The following MGAT4C variants were observed in gnomAD, a reference collection of about 807,000 sequenced individuals.
MGAT4C encodes the protein MGAT4 family member C.
In MGAT4C, 19 loss-of-function variants were observed where a neutral mutation model predicts 40.1. That is an observed-to-expected ratio of 0.47 (90% CI 0.33 to 0.70). The LOEUF is 0.70. Among genes scored for constraint, MGAT4C ranks in the 30% least tolerant of loss-of-function variants. MGAT4C has a pLI of 0.02. For missense variants in MGAT4C, 491 were observed against 563.2 expected, an observed-to-expected ratio of 0.87 and a Z score of 1.30; for synonymous variants, 181 against 187.1, an observed-to-expected ratio of 0.97 and a Z score of 0.27.
chr12:86,390,178 T>C (rs954131344), intron 3 of MGAT4C, among the ~76,000 whole-genome samples: 1 of 152,132 alleles, frequency 6.6e-6, no homozygotes, highest in South Asian at 2.1e-4. Flanking sequence ...GAAGAGACAC[T>C]GTTGACTCAC....
chr12:86,809,624 G>T (rs1952431705), intron 1 of MGAT4C, among the ~76,000 whole-genome samples: 4 of 151,788 alleles, frequency 2.6e-5, no homozygotes, highest in Admixed American at 2.6e-4. Context: ...TTTTCCTGCT[G>T]CATAATAATG....
chr12:86,767,887 A>G (rs9706407), intron 1 of MGAT4C, among the ~76,000 whole-genome samples: 48,769 of 152,072 alleles, frequency 0.32, 9,622 homozygotes, highest in Admixed American at 0.46. Context: ...AGAGCTATCT[A>G]TGACAAACCC....
chr12:86,745,407 A>G (rs746847369), intron 1 of MGAT4C, among the ~76,000 whole-genome samples: 1 of 151,664 alleles, frequency 6.6e-6, no homozygotes, highest in Non-Finnish European at 1.5e-5. Flanking sequence ...GGAAGTACCA[A>G]TTTCAGAAGA....
At chr12:86,675,712 T>C (rs970740854) in intron 2 of MGAT4C, among the ~76,000 whole-genome samples, 1 of 152,208 alleles carries the variant, frequency 6.6e-6, no homozygotes, top group African/African-American at 2.4e-5. Context: ...ACAAAATAGA[T>C]GTACATATGT....
intron 2 of MGAT4C, among the ~76,000 whole-genome samples, chr12:86,704,067 C>A (rs1950411025): frequency 6.6e-6 from 1 of 151,882 alleles, no homozygotes; most frequent in African/African-American, 2.4e-5. Context: ...ATAATTAGGA[C>A]AAGGAAATAA....
chr12:85,963,208 G>GA lies in MGAT4C; in HGVS notation c.*16080dup, dbSNP rs1414380658. On this transcript the variant is annotated 3_prime_UTR_variant, in exon 5 of 5. Transcript: ENST00000611864. Reference sequence around the variant, plus strand: ...AATCACATCCTAAAATTTTAAAATGGAAAAATTATAATAATTGAATTTTTA... The same window carrying GA: ...AATCACATCCTAAAATTTTAAAATGGAAAAAATTATAATAATTGAATTTTTA... 7 of 151,922 alleles carry GA rather than the reference G, an allele frequency of 4.6e-5. No individual in the cohort carries two copies. In the East Asian group the frequency reaches 1.2e-3, roughly 25 times the overall value. 9.4% of individuals were successfully genotyped at this position (151,922 alleles called of 1,614,324 possible).
chr12:85,983,716 G>T, intron 3 of MGAT4C, 46 bp from the exon 4 acceptor site: 1 of 1,401,622 alleles, frequency 7.1e-7, no homozygotes, highest in Non-Finnish European at 9.6e-7. Flanking sequence ...ATAATAGATG[G>T]TCATGGATTA....
At chr12:86,446,704 T>TATA (rs1957346992) in intron 2 of MGAT4C, among the ~76,000 whole-genome samples, 1 of 121,548 alleles carries the variant, frequency 8.2e-6, no homozygotes, top group African/African-American at 3.1e-5. Flanking sequence ...TATATATATA[T>TATA]GGATGTGATT....
intron 1 of MGAT4C, among the ~76,000 whole-genome samples, chr12:86,200,542 T>A (rs1034772222): frequency 5.3e-5 from 8 of 152,162 alleles, no homozygotes; most frequent in Non-Finnish European, 1.2e-4. Flanking sequence ...ATTTTAGGCC[T>A]TCTAGTAGAT....
chr12:86,775,049 T>C (rs1951728245), intron 1 of MGAT4C, among the ~76,000 whole-genome samples: 1 of 152,212 alleles, frequency 6.6e-6, no homozygotes, highest in Non-Finnish European at 1.5e-5. Flanking sequence ...ATACATTGCA[T>C]AATAAAAAGC....
At chr12:86,069,001 C>G (rs1261372143) in intron 1 of MGAT4C, among the ~76,000 whole-genome samples, 1 of 152,086 alleles carries the variant, frequency 6.6e-6, no homozygotes, top group Admixed American at 6.6e-5. Context: ...TATATGTGGT[C>G]ATTAATAGTT....
intron 2 of MGAT4C, among the ~76,000 whole-genome samples, chr12:86,629,442 G>A (rs1962948049): frequency 2.0e-5 from 3 of 152,108 alleles, no homozygotes; most frequent in African/African-American, 7.2e-5. Flanking sequence ...CAAATCAAGA[G>A]AGTATACATT....
chr12:86,604,443 TGTATGCCAGAA>T (rs1468248086), intron 2 of MGAT4C, among the ~76,000 whole-genome samples: 3 of 152,094 alleles, frequency 2.0e-5, no homozygotes, highest in African/African-American at 7.2e-5. Flanking sequence ...AGAACATTTC[TGTATGCCAGAA>T]GCTAAACCAA....
chr12:86,518,183 C>G (rs1272216090), intron 2 of MGAT4C, among the ~76,000 whole-genome samples: 1 of 152,098 alleles, frequency 6.6e-6, no homozygotes, highest in Non-Finnish European at 1.5e-5. Context: ...AGGTAGATCA[C>G]CAACTGCATG....
At chr12:86,380,825 A>G (rs1955914156) in intron 3 of MGAT4C, among the ~76,000 whole-genome samples, 1 of 152,188 alleles carries the variant, frequency 6.6e-6, no homozygotes, top group South Asian at 2.1e-4. Context: ...TTGAAATCCC[A>G]AAAGATCAAA....
chr12:86,040,737 AC>A lies in MGAT4C; in HGVS notation c.-7+8936del, dbSNP rs201491615. 7.5e-3 allele frequency among the ~76,000 whole-genome samples: 896 copies of A among 119,476 alleles called. 4 individuals carry two copies. The highest frequency in any genetic ancestry group is 0.027 in the African/African-American group (809 of 30,354). The allele number at this position is 119,476 out of a possible 152,430, so 78.4% of individuals were successfully genotyped here. On this transcript the variant is annotated intron_variant, in intron 2 of 4. Transcript: ENST00000611864. ...GGAGAAAAAACAAACAAACAAACAA[AC>A]AAAAAAAAAACTCCTGCAGCTAGCT...
At chr12:86,091,973 C>T (rs1223253614) in intron 1 of MGAT4C, among the ~76,000 whole-genome samples, 2 of 152,050 alleles carry the variant, frequency 1.3e-5, no homozygotes, top group African/African-American at 2.4e-5. Flanking sequence ...CCAGAAATTG[C>T]CTTTCCTTTT....
At chr12:86,605,044 T>C (rs1961996458) in intron 2 of MGAT4C, among the ~76,000 whole-genome samples, 1 of 152,130 alleles carries the variant, frequency 6.6e-6, no homozygotes, top group African/African-American at 2.4e-5. Context: ...TGTTACTACA[T>C]AATTCTGATC....
chr12:86,108,683 T>C (rs969666990), intron 1 of MGAT4C, among the ~76,000 whole-genome samples: 5 of 152,156 alleles, frequency 3.3e-5, no homozygotes, highest in Non-Finnish European at 7.4e-5. Context: ...CTAATTGTAG[T>C]ATATTTAAAT....
Sources: allele counts gnomAD v4.1 joint callset (sites outside exome capture counted in the v4.1 genomes callset), GRCh38; gene constraint gnomAD v4.1.1; transcripts MANE v1.5; gene names NCBI Gene and HGNC (gene_info 2026-07-23, HGNC 2026-07-21).